Variants in ARHGEF4 observed in about 807,000 individuals in gnomAD.
The protein encoded by ARHGEF4 is Rho guanine nucleotide exchange factor 4, also known as APC-stimulated guanine nucleotide exchange factor 1.
Under a neutral mutation model 162.0 loss-of-function variants are expected in ARHGEF4, and 119 were observed. The ratio of observed to expected loss-of-function variants is 0.73; its 90% confidence interval spans 0.63 to 0.86. The LOEUF (loss-of-function observed/expected upper bound fraction) is 0.86. Ranked by LOEUF, ARHGEF4 falls within the 40% of genes least tolerant of loss-of-function variation. The pLI is 0.00. For missense variants in ARHGEF4, 2,488 were observed against 2,456.0 expected, an observed-to-expected ratio of 1.01 and a Z score of -0.28; for synonymous variants, 1,014 against 979.9, an observed-to-expected ratio of 1.03 and a Z score of -0.65.
intron 4 of ARHGEF4, among the ~76,000 whole-genome samples, chr2:130,999,931 T>TG (rs1378288757): frequency 6.6e-6 from 1 of 152,204 alleles, no homozygotes; most frequent in Non-Finnish European, 1.5e-5. Flanking sequence ...AGGCTGGTCT[T>TG]GAACTCTTGA....
chr2:130,934,421 G>T (rs1325759249), intron 3 of ARHGEF4, among the ~76,000 whole-genome samples: 2 of 151,992 alleles, frequency 1.3e-5, no homozygotes, highest in Non-Finnish European at 2.9e-5. Flanking sequence ...CTGGTCCTGG[G>T]CTTTTCTTTG....
chr2:130,903,760 C>T (rs4578869), intron 1 of ARHGEF4, among the ~76,000 whole-genome samples: 109,210 of 152,128 alleles, frequency 0.72, 39,496 homozygotes, highest in East Asian at 0.96. Context: ...CTCCCACTTA[C>T]AAGTGAGAAC....
chr2:130,856,003 A>G (rs1194390585), intron 1 of ARHGEF4, among the ~76,000 whole-genome samples: 2 of 152,238 alleles, frequency 1.3e-5, no homozygotes, highest in East Asian at 1.9e-4. Context: ...ACCCATATAC[A>G]GGGCAGAAAG....
At chr2:130,837,736 G>T (rs1397224437) in intron 1 of ARHGEF4, 7 of 375,496 alleles carry the variant, frequency 1.9e-5, no homozygotes, top group Non-Finnish European at 1.6e-5. Flanking sequence ...GACGCTGGGT[G>T]GTGCTGAGCT....
At chr2:131,014,141 A>G (rs571444593) in intron 4 of ARHGEF4, among the ~76,000 whole-genome samples, 1 of 152,322 alleles carries the variant, frequency 6.6e-6, no homozygotes, top group South Asian at 2.1e-4. Context: ...ACGATATTGC[A>G]TTCCTTGGGT....
At chr2:131,036,020 C>G (rs1266747409) in intron 5 of ARHGEF4, among the ~76,000 whole-genome samples, 2 of 152,194 alleles carry the variant, frequency 1.3e-5, no homozygotes, top group Non-Finnish European at 2.9e-5. Context: ...CACAATAGAA[C>G]AGCCAGTTTC....
chr2:131,002,485 C>T (rs1210779792), intron 4 of ARHGEF4, among the ~76,000 whole-genome samples: 1 of 151,676 alleles, frequency 6.6e-6, no homozygotes, highest in African/African-American at 2.4e-5. Flanking sequence ...CCGAGGCGGG[C>T]GGATCACGAG....
chr2:130,933,315 A>G (rs1387752637), intron 3 of ARHGEF4, among the ~76,000 whole-genome samples: 3 of 152,108 alleles, frequency 2.0e-5, no homozygotes, highest in Admixed American at 6.5e-5. Context: ...TGTCAGTACC[A>G]CATTGTTTTG....
chr2:131,028,485 G>A (rs1186273270), intron 5 of ARHGEF4, among the ~76,000 whole-genome samples: 1 of 152,174 alleles, frequency 6.6e-6, no homozygotes, highest in Non-Finnish European at 1.5e-5. Flanking sequence ...ACAAGTTGAG[G>A]GAAAAACCAT....
chr2:130,884,642 A>G (rs1344612462), intron 1 of ARHGEF4, among the ~76,000 whole-genome samples: 1 of 152,112 alleles, frequency 6.6e-6, no homozygotes, highest in Non-Finnish European at 1.5e-5. Flanking sequence ...CCTCTGCTGG[A>G]CGAAGTAAAA....
At chr2:130,977,055 G>A (rs1558796025) in intron 4 of ARHGEF4, among the ~76,000 whole-genome samples, 1 of 150,290 alleles carries the variant, frequency 6.7e-6, no homozygotes, top group Admixed American at 6.6e-5. Context: ...TTGGTGTGTG[G>A]TGTGTTTTGT....
intron 4 of ARHGEF4, among the ~76,000 whole-genome samples, chr2:130,979,060 GT>G (rs886566374): frequency 1.3e-5 from 2 of 151,952 alleles, no homozygotes; most frequent in South Asian, 2.1e-4. Flanking sequence ...TTCTAAGCCA[GT>G]TTTTTTTGAG....
chr2:130,898,566 A>G (rs1037124394), intron 1 of ARHGEF4, among the ~76,000 whole-genome samples: 5 of 152,178 alleles, frequency 3.3e-5, no homozygotes, highest in African/African-American at 1.2e-4. Context: ...CTGAGGCAGC[A>G]GCACTGCTAG....
Position 131,007,805 on chromosome 2 carries a change from T to C in ARHGEF4, c.3986-20140T>C, listed in dbSNP as rs545126532. On this transcript the variant is annotated intron_variant, in intron 4 of 13. Transcript: ENST00000409359. Reference sequence around the variant, plus strand: ...CTAAATTATTCTTTTCTTTTCTTTTTTTTTTTTTTTTTTTTTTTTTTTTGG... The same window carrying C: ...CTAAATTATTCTTTTCTTTTCTTTTCTTTTTTTTTTTTTTTTTTTTTTTGG... Among the ~76,000 whole-genome samples, 267 of 126,186 alleles carry C rather than the reference T, an allele frequency of 2.1e-3. 1 individual carries two copies. Among genetic ancestry groups the C allele is most frequent in the Non-Finnish European group, 3.4e-3 (201 of 59,390 alleles). The allele number at this position is 126,186 out of a possible 152,430, so 82.8% of individuals were successfully genotyped here.
chr2:130,841,642 T>G (rs1558994095), intron 1 of ARHGEF4, among the ~76,000 whole-genome samples: 1 of 152,300 alleles, frequency 6.6e-6, no homozygotes, highest in Non-Finnish European at 1.5e-5. Context: ...TAGAGAACGA[T>G]GTCTGTGGCA....
Position 130,902,492 on chromosome 2 carries a change from G to GC in ARHGEF4, c.40-11493dup, listed in dbSNP as rs1456484770. Among the ~76,000 whole-genome samples, 17 of 150,148 alleles carry GC rather than the reference G, an allele frequency of 1.1e-4. 1 individual carries two copies. Among genetic ancestry groups the GC allele is most frequent in the Middle Eastern group, 3.6e-3 (1 of 280 alleles). On this transcript the variant is annotated intron_variant, in intron 1 of 13. Coordinates refer to ENST00000409359, the MANE Select transcript of ARHGEF4 (RefSeq NM_001367493.1). ...GCCTGTAATCCCAGCTACTCGGGAGGCTGTGGTGGGAGAATCGCTTGAACC... is the reference window on the plus strand; with the variant it reads ...GCCTGTAATCCCAGCTACTCGGGAGGCCTGTGGTGGGAGAATCGCTTGAACC...
intron 4 of ARHGEF4, among the ~76,000 whole-genome samples, chr2:130,969,293 G>A (rs1253628577): frequency 2.6e-5 from 4 of 152,062 alleles, no homozygotes; most frequent in African/African-American, 9.7e-5. Context: ...TTGCACCGTC[G>A]TAAAGTCAAA....
At chr2:130,843,917 C>G (rs576634513) in intron 1 of ARHGEF4, among the ~76,000 whole-genome samples, 1 of 152,218 alleles carries the variant, frequency 6.6e-6, no homozygotes, top group Admixed American at 6.5e-5. Flanking sequence ...TCTCTCCAAA[C>G]TTGGGTGGAG....
At chr2:130,976,339 GTGTGTGTGTC>G (rs894787316) in intron 4 of ARHGEF4, among the ~76,000 whole-genome samples, 3 of 94,062 alleles carry the variant, frequency 3.2e-5, no homozygotes, top group Admixed American at 2.9e-4. Context: ...AATCGTGTGT[GTGTGTGTGTC>G]TGTGTGTGTG....
Sources: gnomAD v4.1 joint callset for allele counts (sites outside exome capture counted in the v4.1 genomes callset) on GRCh38, gnomAD v4.1.1 for gene constraint, MANE v1.5 for transcripts, NCBI Gene and HGNC (gene_info 2026-07-23, HGNC 2026-07-21) for gene names.